The following BCAS3 variants were observed in gnomAD, a reference collection of about 807,000 sequenced individuals.
BCAS3 encodes BCAS3 microtubule associated cell migration factor.
BCAS3 carries 53 observed loss-of-function variants against 116.1 expected under a neutral mutation model. The observed-to-expected ratio is 0.46, with a 90% CI of 0.37 to 0.57. The LOEUF (loss-of-function observed/expected upper bound fraction) is 0.57. Ranked by LOEUF, BCAS3 falls within the 20% of genes least tolerant of loss-of-function variation. The pLI is 0.00. For synonymous variants in BCAS3, 391 were observed against 408.2 expected (o/e 0.96, Z 0.51); for missense variants, 917 against 1,165.4 (o/e 0.79, Z 3.10).
At position 61,144,157 on chromosome 17, in the gene BCAS3, G is replaced by T. The variant is rs2077073557; in HGVS notation, c.2425+59593G>T. Among the ~76,000 whole-genome samples the T allele has an allele frequency of 6.6e-6, 1 of 151,880 alleles. No homozygotes were observed. The highest frequency in any genetic ancestry group is 1.5e-5 in the Non-Finnish European group (1 of 68,002). ...CCGTTGTCCCTATTTTTTGCCACTG[G>T]TAAACTCCTGCCTAGAGGAATGCCA... is the stretch of plus-strand genomic sequence containing the variant. On this transcript the variant is annotated intron_variant, in intron 22 of 23. Coordinates refer to ENST00000407086, the MANE Select transcript of BCAS3 (RefSeq NM_017679.5). This position sits in a 1 kb window ranked among gnomAD's most constrained non-coding sequence, Gnocchi z 5.0.
intron 15 of BCAS3, among the ~76,000 whole-genome samples, chr17:61,006,052 GTTT>G (rs1046794797): frequency 6.6e-6 from 1 of 151,664 alleles, no homozygotes; most frequent in African/African-American, 2.4e-5. Context: ...GCGGTGTTTG[GTTT>G]TTTGTTCTTG....
intron 7 of BCAS3, among the ~76,000 whole-genome samples, chr17:60,841,728 G>A (rs1259181664): frequency 6.6e-6 from 1 of 151,762 alleles, no homozygotes; most frequent in Non-Finnish European, 1.5e-5. Flanking sequence ...CAATTTAACT[G>A]GTTCATTACC....
intron 7 of BCAS3, among the ~76,000 whole-genome samples, chr17:60,820,781 AAC>A (rs1291535747): frequency 6.6e-6 from 1 of 152,192 alleles, no homozygotes; most frequent in East Asian, 1.9e-4. Context: ...ACCAGGGAGT[AAC>A]ACTCTTTAAG....
chr17:60,976,372 C>T (rs948759719), intron 14 of BCAS3, among the ~76,000 whole-genome samples: 3 of 151,124 alleles, frequency 2.0e-5, no homozygotes, highest in Admixed American at 6.6e-5. Context: ...GAATATCTAT[C>T]TAGGAGTGAA....
At chr17:61,369,091 C>G (rs936926266) in intron 23 of BCAS3, among the ~76,000 whole-genome samples, 2 of 152,234 alleles carry the variant, frequency 1.3e-5, no homozygotes, top group African/African-American at 2.4e-5. Context: ...TGTGCGCACA[C>G]ACGCAAACAC....
At chr17:60,786,356 A>G (rs1292024377) in intron 6 of BCAS3, among the ~76,000 whole-genome samples, 1 of 151,970 alleles carries the variant, frequency 6.6e-6, no homozygotes. Flanking sequence ...AAAGAAAGAA[A>G]GAAAAAAAGT....
intron 7 of BCAS3, among the ~76,000 whole-genome samples, chr17:60,814,880 C>T (rs541582828): frequency 6.6e-6 from 1 of 152,198 alleles, no homozygotes; most frequent in Admixed American, 6.5e-5. Flanking sequence ...ATTTAAAAGT[C>T]CTGTGCCTTC....
chr17:61,322,751 T>C (rs2055321940), intron 22 of BCAS3, among the ~76,000 whole-genome samples: 1 of 149,876 alleles, frequency 6.7e-6, no homozygotes, highest in African/African-American at 2.5e-5. Flanking sequence ...AAGTATAGTC[T>C]CATTGGTGTT....
At chr17:60,988,360 T>TTTTTTTA (rs1555651709) in intron 14 of BCAS3, among the ~76,000 whole-genome samples, 1 of 134,820 alleles carries the variant, frequency 7.4e-6, no homozygotes, top group South Asian at 2.2e-4. Context: ...TTTTTTTTTT[T>TTTTTTTA]ATGTATGTGT....
At chr17:61,127,658 G>A (rs2076116183) in intron 22 of BCAS3, among the ~76,000 whole-genome samples, 1 of 148,824 alleles carries the variant, frequency 6.7e-6, no homozygotes, top group African/African-American at 2.5e-5. Context: ...TTAAGAGGAT[G>A]GGGAAGTACA....
chr17:61,245,579 A>G (rs1488045956), intron 22 of BCAS3, among the ~76,000 whole-genome samples: 1 of 152,018 alleles, frequency 6.6e-6, no homozygotes, highest in Non-Finnish European at 1.5e-5. Flanking sequence ...TTAAAAAGTG[A>G]AAAGTTGTTT....
chr17:61,184,719 A>G (rs2079667628), intron 22 of BCAS3, among the ~76,000 whole-genome samples: 1 of 152,180 alleles, frequency 6.6e-6, no homozygotes, highest in Admixed American at 6.5e-5. Flanking sequence ...ATGTTCATCA[A>G]CTGGCGAAGG....
chr17:61,046,396 T>C (rs2068353986), intron 19 of BCAS3, among the ~76,000 whole-genome samples: 1 of 151,538 alleles, frequency 6.6e-6, no homozygotes, highest in East Asian at 1.9e-4. Context: ...TCAAATATAG[T>C]CATTCCTTGG....
At chr17:60,807,038 T>A (rs780290203) in intron 6 of BCAS3, among the ~76,000 whole-genome samples, 2 of 152,144 alleles carry the variant, frequency 1.3e-5, no homozygotes, top group Admixed American at 1.3e-4. Flanking sequence ...CCTGTGACAT[T>A]TGCTGTAGAT....
At chr17:60,729,384 T>A (rs1282028527) in intron 5 of BCAS3, among the ~76,000 whole-genome samples, 1 of 151,496 alleles carries the variant, frequency 6.6e-6, no homozygotes, top group Non-Finnish European at 1.5e-5. Context: ...TATGTTTAAC[T>A]ATTAGAAATT....
chr17:60,774,720 G>C (rs1418538670), intron 6 of BCAS3, among the ~76,000 whole-genome samples: 1 of 152,192 alleles, frequency 6.6e-6, no homozygotes, highest in Non-Finnish European at 1.5e-5. Flanking sequence ...TTTTAGGCTT[G>C]TGGGCCATCT....
intron 4 of BCAS3, among the ~76,000 whole-genome samples, chr17:60,692,394 A>T (rs980513814): frequency 1.3e-5 from 2 of 151,998 alleles, no homozygotes; most frequent in Non-Finnish European, 1.5e-5. Flanking sequence ...GGCACCCGCC[A>T]CCATGCCCGA....
At position 60,970,791 on chromosome 17, in the gene BCAS3, A is replaced by G. The variant is rs141850994; in HGVS notation, c.1222-19180A>G. On this transcript the variant is annotated intron_variant, in intron 14 of 23. Transcript: ENST00000407086. ...AATTAATAGGATGAATAATTCTACA[A>G]TCAGCATTGTTGATTTTAATACCAC... Among the ~76,000 whole-genome samples the G allele has an allele frequency of 5.4e-3, 819 of 152,342 alleles. 8 individuals carry two copies. The highest frequency in any genetic ancestry group is 0.023 in the South Asian group (111 of 4,830).
intron 7 of BCAS3, among the ~76,000 whole-genome samples, chr17:60,815,530 C>T (rs1486355963): frequency 6.6e-6 from 1 of 152,086 alleles, no homozygotes; most frequent in African/African-American, 2.4e-5. Flanking sequence ...CCTTCACCTG[C>T]TTCCAGTTTT....
Sources: allele counts gnomAD v4.1 joint callset (sites outside exome capture counted in the v4.1 genomes callset), GRCh38; gene constraint gnomAD v4.1.1; non-coding constraint Gnocchi (gnomAD v3.1); transcripts MANE v1.5; gene names NCBI Gene and HGNC (gene_info 2026-07-23, HGNC 2026-07-21).